Variants in LRRTM4 observed in about 807,000 individuals in gnomAD.
The protein encoded by LRRTM4 is leucine-rich repeat transmembrane neuronal protein 4.
A neutral mutation model predicts 47.6 loss-of-function variants in LRRTM4; 25 were observed. The ratio of observed to expected loss-of-function variants is 0.53; its 90% CI spans 0.38 to 0.73. The LOEUF (loss-of-function observed/expected upper bound fraction) is 0.73. Ranked by LOEUF, LRRTM4 falls within the 30% of genes least tolerant of loss-of-function variation. The pLI is 0.00. For synonymous variants in LRRTM4, 311 were observed against 269.5 expected, an observed-to-expected ratio of 1.15 and a Z score of -1.51; for missense variants, 638 against 713.4, an observed-to-expected ratio of 0.89 and a Z score of 1.20.
At chr2:76,902,712 C>T (rs1036205523) in intron 3 of LRRTM4, among the ~76,000 whole-genome samples, 28 of 149,426 alleles carry the variant, frequency 1.9e-4, no homozygotes, top group African/African-American at 6.8e-4. Flanking sequence ...TGGACTTGCT[C>T]TCTAAGTTCT....
intron 3 of LRRTM4, among the ~76,000 whole-genome samples, chr2:76,785,188 G>A (rs924146127): frequency 6.6e-6 from 1 of 152,076 alleles, no homozygotes; most frequent in Admixed American, 6.6e-5. Flanking sequence ...ATTTGCAATT[G>A]AATAGTCTGC....
At chr2:77,329,962 G>T (rs987638515) in intron 3 of LRRTM4, among the ~76,000 whole-genome samples, 1 of 152,112 alleles carries the variant, frequency 6.6e-6, no homozygotes, top group Non-Finnish European at 1.5e-5. Flanking sequence ...TTTAGGCAAG[G>T]ATAAGCCAGT....
At chr2:76,903,629 G>T (rs533271620) in intron 3 of LRRTM4, among the ~76,000 whole-genome samples, 1 of 152,232 alleles carries the variant, frequency 6.6e-6, no homozygotes, top group Non-Finnish European at 1.5e-5. Flanking sequence ...GTTTGTTGGT[G>T]ATATTATTAT....
At chr2:77,005,368 C>T (rs186822924) in intron 3 of LRRTM4, among the ~76,000 whole-genome samples, 3 of 152,288 alleles carry the variant, frequency 2.0e-5, no homozygotes, top group African/African-American at 7.2e-5. Flanking sequence ...TGGTCTTGAA[C>T]TCTTGACCTT....
At chr2:77,044,374 A>G (rs114011875) in intron 3 of LRRTM4, among the ~76,000 whole-genome samples, 3,384 of 151,940 alleles carry the variant, frequency 0.022, 117 homozygotes, top group African/African-American at 0.069. Flanking sequence ...TACATCAAAC[A>G]GTCCAAACAT....
intron 3 of LRRTM4, among the ~76,000 whole-genome samples, chr2:77,167,737 G>A (rs1319974150): frequency 3.9e-5 from 6 of 152,104 alleles, no homozygotes; most frequent in Non-Finnish European, 5.9e-5. Flanking sequence ...TCACTCATAG[G>A]TGGGAATTAA....
chr2:77,197,295 G>A (rs1388773471), intron 3 of LRRTM4, among the ~76,000 whole-genome samples: 1 of 152,062 alleles, frequency 6.6e-6, no homozygotes, highest in South Asian at 2.1e-4. Context: ...GGACATGCAG[G>A]AAATATGAAG....
intron 3 of LRRTM4, among the ~76,000 whole-genome samples, chr2:77,338,403 A>G (rs1275015003): frequency 6.6e-6 from 1 of 152,112 alleles, no homozygotes; most frequent in Non-Finnish European, 1.5e-5. Flanking sequence ...GAAAAATCAA[A>G]TAACCACATT....
intron 3 of LRRTM4, among the ~76,000 whole-genome samples, chr2:76,867,688 G>T (rs558820347): frequency 4.7e-4 from 71 of 152,100 alleles, no homozygotes; most frequent in Non-Finnish European, 8.1e-4. Context: ...CTTATTTGAT[G>T]ATGCCATCTT....
At chr2:76,865,309 C>G (rs1672433965) in intron 3 of LRRTM4, among the ~76,000 whole-genome samples, 1 of 152,086 alleles carries the variant, frequency 6.6e-6, no homozygotes, top group Non-Finnish European at 1.5e-5. Context: ...CTAGGATTCC[C>G]TTTTCAGAAG....
chr2:77,384,368 C>G (rs1338204077), intron 3 of LRRTM4, among the ~76,000 whole-genome samples: 3 of 151,564 alleles, frequency 2.0e-5, no homozygotes, highest in Admixed American at 2.0e-4. Context: ...TTTGACTATT[C>G]AAAAACTCAA....
chr2:77,025,132 T>C (rs901158688), intron 3 of LRRTM4, among the ~76,000 whole-genome samples: 1 of 152,156 alleles, frequency 6.6e-6, no homozygotes, highest in African/African-American at 2.4e-5. Context: ...CATAACATAA[T>C]AGGATCCGTA....
At chr2:76,801,400 A>C (rs1675672661) in intron 3 of LRRTM4, among the ~76,000 whole-genome samples, 1 of 152,090 alleles carries the variant, frequency 6.6e-6, no homozygotes, top group African/African-American at 2.4e-5. Context: ...CATTCTCAGT[A>C]AACTATCGCA....
At chr2:77,209,018 TC>T (rs1674219141) in intron 3 of LRRTM4, among the ~76,000 whole-genome samples, 1 of 152,096 alleles carries the variant, frequency 6.6e-6, no homozygotes, top group Non-Finnish European at 1.5e-5. Flanking sequence ...TAACCTTCAC[TC>T]AGCCTTCCCC....
chr2:76,847,968 C>T (rs755894836), intron 3 of LRRTM4, among the ~76,000 whole-genome samples: 3 of 152,008 alleles, frequency 2.0e-5, no homozygotes, highest in Non-Finnish European at 2.9e-5. Context: ...GATCTACTAG[C>T]CAATAATAAA....
intron 3 of LRRTM4, among the ~76,000 whole-genome samples, chr2:76,759,579 A>G (rs1419529400): frequency 6.6e-6 from 1 of 152,164 alleles, no homozygotes; most frequent in Non-Finnish European, 1.5e-5. Flanking sequence ...AAAAGGGGTC[A>G]GGTTCACGAG....
At chr2:77,467,775 G>A (rs1451509973) in intron 3 of LRRTM4, among the ~76,000 whole-genome samples, 1 of 152,098 alleles carries the variant, frequency 6.6e-6, no homozygotes, top group Non-Finnish European at 1.5e-5. Context: ...TGTGAGAGTG[G>A]TCATAAGTTT....
chr2:76,769,329 A>G (rs1673586404), intron 3 of LRRTM4, among the ~76,000 whole-genome samples: 1 of 152,152 alleles, frequency 6.6e-6, no homozygotes, highest in Non-Finnish European at 1.5e-5. Context: ...TAGGACTAGA[A>G]AAATGTCCTG....
chr2:76,951,771 TCCCTCCCCTTGCTC>T (rs1675503901), intron 3 of LRRTM4, among the ~76,000 whole-genome samples: 1 of 151,834 alleles, frequency 6.6e-6, no homozygotes, highest in Non-Finnish European at 1.5e-5. Context: ...CCTAATGCTC[TCCCTCCCCTTGCTC>T]CCCTCCCCCT....
Sources: gnomAD v4.1 joint callset for allele counts (sites outside exome capture counted in the v4.1 genomes callset) on GRCh38, gnomAD v4.1.1 for gene constraint, MANE v1.5 for transcripts, NCBI Gene and HGNC (gene_info 2026-07-23, HGNC 2026-07-21) for gene names.